The following LRRC7 variants were observed in gnomAD, a reference collection of about 807,000 sequenced individuals.
The protein encoded by LRRC7 is leucine rich repeat containing 7.
A neutral mutation model predicts 175.7 loss-of-function variants in LRRC7; 23 were observed. The observed-to-expected ratio is 0.13, with a 90% confidence interval of 0.09 to 0.19. LRRC7 has a LOEUF of 0.19. Ranked by LOEUF, LRRC7 falls within the 10% of genes least tolerant of loss-of-function variation. The probability of loss-of-function intolerance (pLI) is 1.00; values close to 1 mark genes in which losing one functional copy is unlikely to be tolerated. For missense variants in LRRC7, 1,354 were observed against 1,904.7 expected (o/e 0.71, Z 5.38); for synonymous variants, 685 against 680.9 (o/e 1.01, Z -0.09).
intron 25 of LRRC7, among the ~76,000 whole-genome samples, chr1:70,097,097 A>C (rs1289021384): frequency 6.6e-6 from 1 of 152,248 alleles, no homozygotes; most frequent in Non-Finnish European, 1.5e-5. Context: ...TCAGCACTGT[A>C]AATTTTTAAA....
chr1:69,823,185 T>C (rs569654377), intron 4 of LRRC7, among the ~76,000 whole-genome samples: 1 of 152,342 alleles, frequency 6.6e-6, no homozygotes, highest in South Asian at 2.1e-4. Context: ...TCTTATTCAT[T>C]GTTTGAAATT....
intron 3 of LRRC7, among the ~76,000 whole-genome samples, chr1:69,776,652 G>T (rs1672841015): frequency 6.6e-6 from 1 of 151,998 alleles, no homozygotes; most frequent in Admixed American, 6.6e-5. Context: ...ACTGCTTCTT[G>T]GTTTCCTGGT....
At chr1:70,055,906 C>A (rs1661113950) in intron 23 of LRRC7, among the ~76,000 whole-genome samples, 1 of 152,126 alleles carries the variant, frequency 6.6e-6, no homozygotes, top group African/African-American at 2.4e-5. Context: ...AGAACCAAAA[C>A]AATCTTGTGA....
At chr1:70,107,927 CCTT>C in intron 26 of LRRC7, 101 bp downstream of exon 26, 1 of 1,056,868 alleles carries the variant, frequency 9.5e-7, no homozygotes, top group Non-Finnish European at 1.4e-6. Context: ...GAAAATAAGT[CCTT>C]CTCACATTGC....
intron 4 of LRRC7, among the ~76,000 whole-genome samples, chr1:69,809,932 C>T (rs746756679): frequency 7.2e-5 from 11 of 151,996 alleles, no homozygotes; most frequent in Non-Finnish European, 1.5e-4. Flanking sequence ...GGCAATCAGG[C>T]AAGAGAAAGA....
At chr1:70,107,384 T>A (rs1665216069) in intron 25 of LRRC7, among the ~76,000 whole-genome samples, 1 of 152,180 alleles carries the variant, frequency 6.6e-6, no homozygotes, top group African/African-American at 2.4e-5. Context: ...TTCAACTGCC[T>A]TTAATGGAGA....
chr1:69,980,971 C>T lies in LRRC7; in HGVS notation c.786+518C>T, dbSNP rs566898490. 2.0e-5 allele frequency among the ~76,000 whole-genome samples: 3 copies of T among 152,242 alleles called. No individual in the cohort carries two copies. In the South Asian group the frequency reaches 6.2e-4, roughly 32 times the overall value. On this transcript the variant is annotated intron_variant, in intron 9 of 26. Coordinates refer to ENST00000651989, the MANE Select transcript of LRRC7 (RefSeq NM_001370785.2). Reference sequence around the variant, plus strand: ...TAAAAACAGAAAGTTAAACCAGAGTCAAATTTTTTCCTCAACTAAAGTCCA... The same window carrying T: ...TAAAAACAGAAAGTTAAACCAGAGTTAAATTTTTTCCTCAACTAAAGTCCA...
chr1:69,588,465 ATATAT>A (rs1204978882), intron 1 of LRRC7, among the ~76,000 whole-genome samples: 2 of 152,188 alleles, frequency 1.3e-5, no homozygotes, highest in African/African-American at 4.8e-5. Context: ...ATATGAAATA[ATATAT>A]TAAGCATGTA....
In LRRC7 at chr1:70,135,167, G is replaced by A. The variant is rs764436176; in HGVS notation, c.*13280G>A. 4.6e-5 allele frequency among the ~76,000 whole-genome samples: 7 copies of A among 151,720 alleles called. No individual in the cohort carries two copies. The East Asian group carries it at 5.8e-4, about 13-fold the overall frequency. On this transcript the variant is annotated 3_prime_UTR_variant, in exon 27 of 27. Coordinates refer to ENST00000651989, the MANE Select transcript of LRRC7 (RefSeq NM_001370785.2). ...CAGATTTTTGGTATCCACTATTAGCGAAGTATTTTTTTCTTTGTCTTCTAT... is the reference window on the plus strand; with the variant it reads ...CAGATTTTTGGTATCCACTATTAGCAAAGTATTTTTTTCTTTGTCTTCTAT...
At chr1:69,988,627 C>A (rs1306272879) in intron 10 of LRRC7, among the ~76,000 whole-genome samples, 1 of 152,072 alleles carries the variant, frequency 6.6e-6, no homozygotes, top group Non-Finnish European at 1.5e-5. Context: ...TAGGGCGGGA[C>A]CTCTTTTCTG....
intron 2 of LRRC7, among the ~76,000 whole-genome samples, chr1:69,727,976 C>A (rs980100758): frequency 6.6e-6 from 1 of 152,158 alleles, no homozygotes; most frequent in South Asian, 2.1e-4. Context: ...TCGTGTCAAC[C>A]ATTTTTATCA....
At chr1:69,995,214 T>C (rs1654819321) in intron 11 of LRRC7, among the ~76,000 whole-genome samples, 2 of 152,112 alleles carry the variant, frequency 1.3e-5, no homozygotes, top group Admixed American at 1.3e-4. Flanking sequence ...AATATTGTCA[T>C]TAACATTTGG....
At chr1:69,897,108 A>G (rs1403098849) in intron 7 of LRRC7, among the ~76,000 whole-genome samples, 1 of 152,138 alleles carries the variant, frequency 6.6e-6, no homozygotes, top group Non-Finnish European at 1.5e-5. Flanking sequence ...CACTCTTTGA[A>G]GATGTACAAC....
At chr1:69,751,106 T>C (rs776247408) in intron 2 of LRRC7, among the ~76,000 whole-genome samples, 5 of 152,174 alleles carry the variant, frequency 3.3e-5, no homozygotes, top group Non-Finnish European at 7.3e-5. Context: ...TTAATTAATG[T>C]CTTAAATGTA....
At chr1:69,636,130 A>G (rs1283720573) in intron 1 of LRRC7, among the ~76,000 whole-genome samples, 1 of 152,062 alleles carries the variant, frequency 6.6e-6, no homozygotes, top group Non-Finnish European at 1.5e-5. Flanking sequence ...CATCAATTCA[A>G]TAGTACCTAG....
At chr1:69,853,962 C>T (rs902282914) in intron 7 of LRRC7, among the ~76,000 whole-genome samples, 3 of 152,126 alleles carry the variant, frequency 2.0e-5, no homozygotes, top group African/African-American at 7.2e-5. Flanking sequence ...TACAGAGTCT[C>T]ATTAAATTAT....
chr1:69,807,780 G>T (rs1271684769), intron 4 of LRRC7, among the ~76,000 whole-genome samples: 1 of 151,908 alleles, frequency 6.6e-6, no homozygotes, highest in Non-Finnish European at 1.5e-5. Context: ...GTGTCTTGGG[G>T]TTGCTCTTCT....
In LRRC7 at chr1:70,097,969, A is replaced by G. The variant is rs534888362; in HGVS notation, c.4545+8150A>G. 4.0e-5 allele frequency among the ~76,000 whole-genome samples: 6 copies of G among 151,226 alleles called. No individual in the cohort carries two copies. The South Asian group carries it at 8.5e-4, about 21-fold the overall frequency. Reference sequence around the variant, plus strand: ...CAGCATGATTTATAGTCCTTTGGGTATATACCCAGTAATGGGATGGCTGGG... The same window carrying G: ...CAGCATGATTTATAGTCCTTTGGGTGTATACCCAGTAATGGGATGGCTGGG... On this transcript the variant is annotated intron_variant, in intron 25 of 26. Transcript: ENST00000651989.
At chr1:70,003,766 C>T (rs1655747119) in intron 11 of LRRC7, among the ~76,000 whole-genome samples, 1 of 152,026 alleles carries the variant, frequency 6.6e-6, no homozygotes, top group Admixed American at 6.6e-5. Context: ...AGTACTTACT[C>T]CTGCATGCAT....
Sources: allele counts gnomAD v4.1 joint callset (sites outside exome capture counted in the v4.1 genomes callset), GRCh38; gene constraint gnomAD v4.1.1; transcripts MANE v1.5; gene names NCBI Gene and HGNC (gene_info 2026-07-23, HGNC 2026-07-21).